The following KIAA1217 variants were observed in gnomAD, a reference collection of about 807,000 sequenced individuals.
The protein encoded by KIAA1217 is KIAA1217.
A neutral mutation model predicts 163.9 loss-of-function variants in KIAA1217; 88 were observed. That is an observed-to-expected ratio of 0.54 (90% CI 0.45 to 0.64). The LOEUF is 0.64. Among genes scored for constraint, KIAA1217 ranks in the 30% least tolerant of loss-of-function variants. KIAA1217 has a pLI of 0.00. For synonymous variants in KIAA1217, 903 were observed against 923.1 expected (o/e 0.98, Z 0.39); for missense variants, 2,372 against 2,475.0 (o/e 0.96, Z 0.88).
intron 2 of KIAA1217, among the ~76,000 whole-genome samples, chr10:24,024,126 A>G (rs1484705995): frequency 6.6e-6 from 1 of 151,732 alleles, no homozygotes; most frequent in Non-Finnish European, 1.5e-5. Context: ...GTTTTATTTT[A>G]ATCAGCTTTA....
At chr10:23,850,275 A>G (rs920463360) in intron 1 of KIAA1217, among the ~76,000 whole-genome samples, 1 of 152,132 alleles carries the variant, frequency 6.6e-6, no homozygotes, top group Non-Finnish European at 1.5e-5. Flanking sequence ...TGGCCATTAC[A>G]GGCTAAGGTA....
At chr10:24,364,682 A>G (rs1336776408) in intron 2 of KIAA1217, among the ~76,000 whole-genome samples, 1 of 152,198 alleles carries the variant, frequency 6.6e-6, no homozygotes, top group Non-Finnish European at 1.5e-5. Context: ...GAAAAGATGT[A>G]ACAGGTAGAC....
At position 24,338,095 on chromosome 10, in the gene KIAA1217, A is replaced by G. The variant is rs772453806; in HGVS notation, c.355-42774A>G. On this transcript the variant is annotated intron_variant, in intron 2 of 20. Transcript: ENST00000376454. ...AATGGCCAATGCAGCATGAGTCTCA[A>G]TGTCCCACCAGCCTCACTCAATTCC... is the stretch of plus-strand genomic sequence containing the variant. Among the ~76,000 whole-genome samples, 6 of 152,320 alleles carry G rather than the reference A, an allele frequency of 3.9e-5. No individual in the cohort carries two copies. In the South Asian group the frequency reaches 8.3e-4, roughly 21 times the overall value.
At chr10:24,216,101 A>T (rs2068779274) in intron 1 of KIAA1217, among the ~76,000 whole-genome samples, 1 of 152,202 alleles carries the variant, frequency 6.6e-6, no homozygotes, top group Non-Finnish European at 1.5e-5. Context: ...AGTGCTAGGA[A>T]AAAAACAGGG....
intron 2 of KIAA1217, among the ~76,000 whole-genome samples, chr10:24,182,396 C>T (rs889758413): frequency 6.6e-5 from 10 of 150,678 alleles, no homozygotes; most frequent in South Asian, 2.1e-4. Context: ...GAGCCAAGAT[C>T]GCACCACTGC....
chr10:24,330,362 C>A (rs954325326), intron 2 of KIAA1217, among the ~76,000 whole-genome samples: 1 of 150,694 alleles, frequency 6.6e-6, no homozygotes, highest in Non-Finnish European at 1.5e-5. Flanking sequence ...ACCCTTTGGA[C>A]ATTTTTTGTT....
At chr10:24,410,813 A>C (rs2057700388) in intron 3 of KIAA1217, among the ~76,000 whole-genome samples, 1 of 152,234 alleles carries the variant, frequency 6.6e-6, no homozygotes, top group Non-Finnish European at 1.5e-5. Context: ...TTTGTTTTTC[A>C]GCATAAAAGC....
upstream of KIAA1217, among the ~76,000 whole-genome samples, chr10:24,206,820 G>C (rs890950987): frequency 8.6e-5 from 13 of 151,904 alleles, no homozygotes; most frequent in Admixed American, 5.9e-4. Flanking sequence ...TGGCCCGTAT[G>C]GGGGAGGGGA....
chr10:24,358,090 T>A (rs1338982002), intron 2 of KIAA1217, among the ~76,000 whole-genome samples: 2 of 152,238 alleles, frequency 1.3e-5, no homozygotes, highest in African/African-American at 4.8e-5. Context: ...CTTTCATTCA[T>A]TCATTCTGTA....
chr10:24,208,546 G>T (rs2067697822), upstream of KIAA1217, among the ~76,000 whole-genome samples: 1 of 152,076 alleles, frequency 6.6e-6, no homozygotes, highest in African/African-American at 2.4e-5. Flanking sequence ...GCCCTAAAAA[G>T]TTAGTGCCGG....
intron 1 of KIAA1217, among the ~76,000 whole-genome samples, chr10:23,734,300 T>A (rs78110242): frequency 7.8e-5 from 11 of 140,534 alleles, no homozygotes; most frequent in South Asian, 2.2e-4. Flanking sequence ...TTTTTTTTTT[T>A]AAATAAGACA....
chr10:23,897,615 A>T (rs569285318), intron 1 of KIAA1217, among the ~76,000 whole-genome samples: 1 of 152,122 alleles, frequency 6.6e-6, no homozygotes, highest in South Asian at 2.1e-4. Context: ...ATGTGCTCTT[A>T]TATAGGCCCC....
chr10:24,215,854 A>G (rs1404199141), intron 1 of KIAA1217, among the ~76,000 whole-genome samples: 1 of 152,180 alleles, frequency 6.6e-6, no homozygotes. Flanking sequence ...ACAGGATGAT[A>G]GAGCATTGGG....
At chr10:24,001,638 G>C (rs535351362) in intron 1 of KIAA1217, among the ~76,000 whole-genome samples, 1 of 152,276 alleles carries the variant, frequency 6.6e-6, no homozygotes, top group Admixed American at 6.5e-5. Context: ...TCTTTGAGAG[G>C]TTAACTGATA....
chr10:24,167,649 T>C (rs941294343), intron 2 of KIAA1217, among the ~76,000 whole-genome samples: 1 of 152,156 alleles, frequency 6.6e-6, no homozygotes. Context: ...ATTATTATGT[T>C]TATATTCATG....
chr10:24,137,315 A>G (rs932857791), intron 2 of KIAA1217, among the ~76,000 whole-genome samples: 2 of 152,202 alleles, frequency 1.3e-5, no homozygotes, highest in Non-Finnish European at 2.9e-5. Flanking sequence ...CAGAGACCCA[A>G]TGACTGCAAG....
At chr10:24,499,939 C>G (rs748748365) in intron 8 of KIAA1217, among the ~76,000 whole-genome samples, 1 of 152,098 alleles carries the variant, frequency 6.6e-6, no homozygotes, top group Non-Finnish European at 1.5e-5. Context: ...TCGCCAAGGC[C>G]AAGCAAGAAA....
chr10:23,978,300 T>G (rs569292050), intron 1 of KIAA1217, among the ~76,000 whole-genome samples: 2 of 152,222 alleles, frequency 1.3e-5, no homozygotes, highest in Non-Finnish European at 2.9e-5. Context: ...ATCTTCAACC[T>G]GACCTCCTCG....
intron 1 of KIAA1217, among the ~76,000 whole-genome samples, chr10:23,892,473 G>A (rs1841456172): frequency 6.6e-6 from 1 of 151,912 alleles, no homozygotes; most frequent in Non-Finnish European, 1.5e-5. Flanking sequence ...TTTGGCCAGT[G>A]AGTCATCTCT....
Sources: gnomAD v4.1 joint callset for allele counts (sites outside exome capture counted in the v4.1 genomes callset) on GRCh38, gnomAD v4.1.1 for gene constraint, MANE v1.5 for transcripts, NCBI Gene and HGNC (gene_info 2026-07-23, HGNC 2026-07-21) for gene names.